Variants in NCOA2 observed in about 807,000 individuals in gnomAD.
NCOA2 encodes class E basic helix-loop-helix protein 75.
Under a neutral mutation model 145.1 loss-of-function variants are expected in NCOA2, and 21 were observed. The observed-to-expected ratio is 0.14, with a 90% CI of 0.10 to 0.21. The LOEUF is 0.21. Among genes scored for constraint, NCOA2 ranks in the 10% least tolerant of loss-of-function variants. The pLI, the probability that NCOA2 is intolerant of heterozygous loss-of-function variation, is 1.00. For synonymous variants in NCOA2, 619 were observed against 637.5 expected (o/e 0.97, Z 0.44); for missense variants, 1,472 against 1,837.6 (o/e 0.80, Z 3.64).
intron 1 of NCOA2, among the ~76,000 whole-genome samples, chr8:70,380,512 C>T (rs2131410366): frequency 6.6e-6 from 1 of 152,244 alleles, no homozygotes; most frequent in South Asian, 2.1e-4. Context: ...AACTGCTTAG[C>T]ATTTACGTTG....
intron 2 of NCOA2, among the ~76,000 whole-genome samples, chr8:70,235,233 TAGACTGGTCAAATTTATG>T (rs1563661108): frequency 1.3e-5 from 2 of 152,180 alleles, no homozygotes; most frequent in African/African-American, 4.8e-5. Context: ...ATGAGGTACT[TAGACTGGTCAAATTTATG>T]AGACAGAAAG....
chr8:70,374,758 T>C (rs1273368670), intron 1 of NCOA2, among the ~76,000 whole-genome samples: 1 of 148,346 alleles, frequency 6.7e-6, no homozygotes, highest in Non-Finnish European at 1.5e-5. Context: ...GCTATGATCA[T>C]GCTACTGCAC....
intron 1 of NCOA2, among the ~76,000 whole-genome samples, chr8:70,297,482 C>A (rs573016613): frequency 2.6e-4 from 39 of 152,198 alleles, no homozygotes; most frequent in African/African-American, 8.7e-4. Context: ...TACAGGCATG[C>A]GCCACCACAC....
chr8:70,279,773 G>C (rs1825739900), intron 2 of NCOA2, among the ~76,000 whole-genome samples: 1 of 152,158 alleles, frequency 6.6e-6, no homozygotes, highest in African/African-American at 2.4e-5. Context: ...AGAGGGGATT[G>C]TTGACTGTTA....
rs138573042 is a variant in NCOA2, at chr8:70,142,288, G to A, written c.2813-889C>T. 2.1e-3 allele frequency among the ~76,000 whole-genome samples: 324 copies of A among 152,270 alleles called. 1 individual carries two copies. Among genetic ancestry groups the A allele is most frequent in the Admixed American group, 4.4e-3 (67 of 15,298 alleles). On this transcript the variant is annotated intron_variant, in intron 13 of 22. Transcript: ENST00000452400. ...GGCTGCTTTCATTTTCTTTAATTAC[G>A]ATAAACAACTAAAAATGGGGTATAT...
At chr8:70,249,971 AAAAAAAAAGAAG>A (rs982695908) in intron 2 of NCOA2, among the ~76,000 whole-genome samples, 1 of 147,608 alleles carries the variant, frequency 6.8e-6, no homozygotes, top group African/African-American at 2.6e-5. Context: ...TCCAAAAAAA[AAAAAAAAAGAAG>A]AAGAAGAAGA....
At chr8:70,232,517 A>T (rs1563657311) in intron 2 of NCOA2, among the ~76,000 whole-genome samples, 1 of 152,024 alleles carries the variant, frequency 6.6e-6, no homozygotes, top group Non-Finnish European at 1.5e-5. Context: ...ATTTTCCTCA[A>T]CTTCCCTTCT....
intron 16 of NCOA2, among the ~76,000 whole-genome samples, chr8:70,129,856 G>C (rs900812339): frequency 1.3e-5 from 2 of 152,184 alleles, no homozygotes; most frequent in African/African-American, 4.8e-5. Context: ...TTTTAGTGGA[G>C]ACGGGGTTTC....
chr8:70,164,011 G>A (rs1309751399), intron 7 of NCOA2, among the ~76,000 whole-genome samples: 1 of 152,180 alleles, frequency 6.6e-6, no homozygotes, highest in Non-Finnish European at 1.5e-5. Context: ...TTGAGTTTTA[G>A]GGTTCAGGAA....
At chr8:70,312,418 T>C (rs1805208800) in intron 1 of NCOA2, among the ~76,000 whole-genome samples, 1 of 152,220 alleles carries the variant, frequency 6.6e-6, no homozygotes. Context: ...AGGGGGTCTG[T>C]ATGAAATTAA....
chr8:70,272,102 A>C (rs1825098168), intron 2 of NCOA2, among the ~76,000 whole-genome samples: 1 of 152,254 alleles, frequency 6.6e-6, no homozygotes, highest in Non-Finnish European at 1.5e-5. Context: ...TGAAAAATAA[A>C]GCTTCAAAAG....
chr8:70,380,375 G>A (rs1235381411), intron 1 of NCOA2, among the ~76,000 whole-genome samples: 2 of 151,918 alleles, frequency 1.3e-5, no homozygotes, highest in Non-Finnish European at 2.9e-5. Flanking sequence ...CTCCTCACTC[G>A]CACAGTGCCA....
At chr8:70,242,106 A>G (rs544380851) in intron 2 of NCOA2, among the ~76,000 whole-genome samples, 5 of 152,284 alleles carry the variant, frequency 3.3e-5, no homozygotes, top group African/African-American at 1.2e-4. Context: ...TATAGAAACA[A>G]AACAGGTAAC....
chr8:70,129,885 G>T (rs1808891623), intron 16 of NCOA2, among the ~76,000 whole-genome samples: 1 of 152,186 alleles, frequency 6.6e-6, no homozygotes, highest in South Asian at 2.1e-4. Flanking sequence ...GGTCAGGCTG[G>T]TCTCGAACTC....
chr8:70,119,368 C>T (rs987279802), intron 22 of NCOA2, among the ~76,000 whole-genome samples: 3 of 152,280 alleles, frequency 2.0e-5, no homozygotes, highest in South Asian at 2.1e-4. Flanking sequence ...GTTCCATCTA[C>T]GTTGCCACAA....
At chr8:70,261,424 G>A (rs1824118400) in intron 2 of NCOA2, among the ~76,000 whole-genome samples, 1 of 151,976 alleles carries the variant, frequency 6.6e-6, no homozygotes, top group African/African-American at 2.4e-5. Flanking sequence ...ACACAGGAAG[G>A]GGAACATCAC....
chr8:70,172,069 C>G (rs1413858688), intron 5 of NCOA2, among the ~76,000 whole-genome samples: 2 of 152,164 alleles, frequency 1.3e-5, no homozygotes, highest in African/African-American at 4.8e-5. Context: ...AAGTGATCCT[C>G]CTTGTCTCAG....
chr8:70,208,691 CT>C (rs1818718691), intron 4 of NCOA2, among the ~76,000 whole-genome samples: 1 of 152,224 alleles, frequency 6.6e-6, no homozygotes, highest in Non-Finnish European at 1.5e-5. Context: ...TAAATCTACT[CT>C]GCCTGTGCCC....
chr8:70,235,195 C>T (rs1464616558), intron 2 of NCOA2, among the ~76,000 whole-genome samples: 1 of 152,108 alleles, frequency 6.6e-6, no homozygotes, highest in Admixed American at 6.5e-5. Context: ...CTTGAGAATA[C>T]CCTAAATGAA....
Sources: gnomAD v4.1 joint callset for allele counts (sites outside exome capture counted in the v4.1 genomes callset) on GRCh38, gnomAD v4.1.1 for gene constraint, MANE v1.5 for transcripts, NCBI Gene and HGNC (gene_info 2026-07-23, HGNC 2026-07-21) for gene names.